Variants in OR51G2 observed in about 807,000 individuals in gnomAD.
OR51G2 encodes olfactory receptor family 51 subfamily G member 2.
Under a neutral mutation model 11.8 loss-of-function variants are expected in OR51G2, and 13 were observed. The ratio of observed to expected loss-of-function variants is 1.10; its 90% CI spans 0.72 to 1.76. OR51G2 has a LOEUF of 1.76. OR51G2 is among the 40% of genes most tolerant of loss of function. The pLI is 0.00. For missense variants in OR51G2, 474 were observed against 394.4 expected (o/e 1.20, Z -1.71); for synonymous variants, 178 against 151.9 (o/e 1.17, Z -1.26).
At chr11:4,915,793 C>T in intron 1 of OR51G2, 54 bp from the exon 2 acceptor site, 1 of 595,574 alleles carries the variant, frequency 1.7e-6, no homozygotes, top group East Asian at 2.8e-5. Flanking sequence ...AACTGTGCAG[C>T]TCTTTCTAGT....
intron 1 of OR51G2, among the ~76,000 whole-genome samples, chr11:4,917,846 A>G (rs1468845760): frequency 6.6e-6 from 1 of 152,062 alleles, no homozygotes; most frequent in Non-Finnish European, 1.5e-5. Context: ...ATGTTCCATA[A>G]TTACTATTGT....
Position 4,914,919 on chromosome 11 carries a change from G to A in OR51G2, c.745C>T (p.His249Tyr). The change falls in exon 2 of 2, where the codon CAC becomes TAC. Residue 249 changes from histidine (H) to tyrosine (Y), a missense_variant. His to Tyr is a moderately conservative substitution (Grantham distance 83, BLOSUM62 2). Transcript: ENST00000641926. The part of the protein sequence containing the change: ...RFKALNTCVS[H>Y]ICAVLLFYTP... ...TAGAAGAGCAGCACAGCACAGATGTGGGAAACACAGGTGTTAAGGGCCTTG... is the reference window on the plus strand; with the variant it reads ...TAGAAGAGCAGCACAGCACAGATGTAGGAAACACAGGTGTTAAGGGCCTTG... The A allele has an allele frequency of 1.9e-6, 3 of 1,614,124 alleles. No homozygotes were observed. The highest frequency in any genetic ancestry group is 1.7e-6 in the Non-Finnish European group (2 of 1,179,998).
chr11:4,917,566 C>T (rs755697168), intron 1 of OR51G2, among the ~76,000 whole-genome samples: 10 of 152,132 alleles, frequency 6.6e-5, no homozygotes, highest in Admixed American at 1.3e-4. Flanking sequence ...TAGTTTGGGC[C>T]GTTAACTCAC....
chr11:4,913,333 G>A lies in OR51G2; in HGVS notation c.*1386C>T, dbSNP rs1851020794. On this transcript the variant is annotated 3_prime_UTR_variant, in exon 2 of 2. Transcript: ENST00000641926. Reference sequence around the variant, plus strand: ...AAGAGACCAACCTCAGGTGAGAACTGGTCCACATACACTTCATAGTAGAAG... The same window carrying A: ...AAGAGACCAACCTCAGGTGAGAACTAGTCCACATACACTTCATAGTAGAAG... The A allele has an allele frequency of 6.6e-6, 1 of 152,114 alleles. No individual in the cohort carries two copies. The highest frequency in any genetic ancestry group is 1.5e-5 in the Non-Finnish European group (1 of 68,016). 9.4% of individuals were successfully genotyped at this position (152,114 alleles called of 1,614,324 possible).
intron 1 of OR51G2, among the ~76,000 whole-genome samples, chr11:4,918,206 A>G (rs929136653): frequency 1.3e-5 from 2 of 152,102 alleles, no homozygotes; most frequent in African/African-American, 4.8e-5. Context: ...CTGGAATTCA[A>G]ACTTAGATCT....
intron 1 of OR51G2, 78 bp from the exon 2 acceptor site, chr11:4,915,817 T>A (rs1851079954): frequency 1.9e-6 from 1 of 528,182 alleles, no homozygotes; most frequent in East Asian, 2.9e-5. Flanking sequence ...TATGTCTTTC[T>A]GGTCCTTGAC....
intron 1 of OR51G2, among the ~76,000 whole-genome samples, chr11:4,916,093 C>T (rs751464169): frequency 3.3e-5 from 5 of 151,346 alleles, no homozygotes; most frequent in Non-Finnish European, 7.4e-5. Context: ...CCGAGGCGGG[C>T]GGATCATGAG....
At chr11:4,916,930 G>A (rs775338107) in intron 1 of OR51G2, among the ~76,000 whole-genome samples, 22 of 152,166 alleles carry the variant, frequency 1.4e-4, no homozygotes, top group Non-Finnish European at 1.6e-4. Context: ...TGCTGGAAAG[G>A]CCCAGTCTTC....
intron 1 of OR51G2, among the ~76,000 whole-genome samples, chr11:4,918,373 C>G (rs866033574): frequency 8.6e-5 from 13 of 152,044 alleles, no homozygotes; most frequent in African/African-American, 3.1e-4. Context: ...TTCCTATAAA[C>G]TCAAGACAGA....
rs1385941076 is a variant in OR51G2 at position 4,915,257 on chromosome 11, T to C, written c.407A>G (p.His136Arg). The change falls in exon 2 of 2, where the codon CAC becomes CGC. Residue 136 changes from histidine to arginine, a missense_variant. By Grantham distance (29) the His-to-Arg change is conservative. Transcript: ENST00000641926. ...TGTGTTGGTGAGAATGGAAACATAG[T>C]GCAAGGGGTGGCAGATAGCCACAAA... ...DRFVAICHPL[H>R]YVSILTNTVI... 2 of 1,613,862 alleles carry C rather than the reference T, an allele frequency of 1.2e-6. No homozygotes were observed. Among genetic ancestry groups the C allele is most frequent in the South Asian group, 2.2e-5 (2 of 91,068 alleles).
chr11:4,917,808 T>C (rs1191574299), intron 1 of OR51G2, among the ~76,000 whole-genome samples: 1 of 152,084 alleles, frequency 6.6e-6, no homozygotes, highest in Non-Finnish European at 1.5e-5. Flanking sequence ...AGTGTTTTCA[T>C]TGCACTATGA....
At chr11:4,915,809 T>G in intron 1 of OR51G2, 70 bp from the exon 2 acceptor site, 2 of 559,982 alleles carry the variant, frequency 3.6e-6, no homozygotes, top group Non-Finnish European at 6.2e-6. Flanking sequence ...CTAGTGGTTA[T>G]GTCTTTCTGG....
At chr11:4,918,729 T>C (rs1851136394) in intron 1 of OR51G2, among the ~76,000 whole-genome samples, 1 of 152,336 alleles carries the variant, frequency 6.6e-6, no homozygotes, top group Non-Finnish European at 1.5e-5. Context: ...CAAGTTGTTT[T>C]GCTTTAAGAC....
intron 1 of OR51G2, among the ~76,000 whole-genome samples, chr11:4,916,155 A>T (rs1165402929): frequency 4.6e-5 from 2 of 43,240 alleles, no homozygotes; most frequent in African/African-American, 7.5e-5. Context: ...AGTCTCTACT[A>T]AAAAAAAAAA....
chr11:4,916,264 C>T (rs1314149019), intron 1 of OR51G2, among the ~76,000 whole-genome samples: 1 of 152,024 alleles, frequency 6.6e-6, no homozygotes, highest in Non-Finnish European at 1.5e-5. Context: ...TTGTTGGGGA[C>T]TTTTCTCTTA....
In OR51G2 at chr11:4,915,531, G is replaced by T. The variant is rs1231509468; in HGVS notation, c.133C>A (p.Pro45Thr). Residue 45 changes from proline (P) to threonine (T), a missense_variant, in exon 2 of 2, where the codon CCG (proline) becomes ACG (threonine). Pro to Thr is a conservative substitution (Grantham distance 38). Transcript: ENST00000641926. ...ATAAAAAGAATTGTGCAGTTGCCCG[G>T]GATGGAAACCAGATACATGAAGCAC... ...PLCFMYLVSI[P>T]GNCTILFIIK... 1.2e-6 allele frequency: 2 copies of T among 1,613,986 alleles called. No homozygotes were observed. Among genetic ancestry groups the T allele is most frequent in the African/African-American group, 2.7e-5 (2 of 74,894 alleles).
At chr11:4,917,016 T>G (rs944469384) in intron 1 of OR51G2, among the ~76,000 whole-genome samples, 1 of 152,202 alleles carries the variant, frequency 6.6e-6, no homozygotes, top group Non-Finnish European at 1.5e-5. Flanking sequence ...GCCTCCTGAC[T>G]TCCACAGCAG....
At chr11:4,917,109 A>T (rs1274171456) in intron 1 of OR51G2, among the ~76,000 whole-genome samples, 2 of 152,034 alleles carry the variant, frequency 1.3e-5, no homozygotes, top group Admixed American at 6.6e-5. Context: ...CTATTAATCC[A>T]GTATTTAGAA....
rs910697187 is a variant in OR51G2 at position 4,912,778 on chromosome 11, A to T, written c.*1941T>A. The T allele has an allele frequency of 3.9e-5, 6 of 152,152 alleles. No individual in the cohort carries two copies. Among genetic ancestry groups the T allele is most frequent in the Non-Finnish European group, 7.3e-5 (5 of 68,028 alleles). The allele number at this position is 152,152 out of a possible 1,614,324, so 9.4% of individuals were successfully genotyped here. A position where few individuals can be genotyped will look rare whatever the true frequency, so the allele number is the denominator to read the frequency against. ...TGTAATTTTCCTTTTCTTTAATTAC[A>T]TTGTTTTTTAAAATGTAAAAAACTA... On this transcript the variant is annotated 3_prime_UTR_variant, in exon 2 of 2. Transcript: ENST00000641926.
Sources: allele counts gnomAD v4.1 joint callset (sites outside exome capture counted in the v4.1 genomes callset), GRCh38; gene constraint gnomAD v4.1.1; transcripts MANE v1.5; gene names NCBI Gene and HGNC (gene_info 2026-07-23, HGNC 2026-07-21).